Variants in TMC5 observed in about 807,000 individuals in gnomAD.
TMC5 encodes transmembrane channel like 5, also known as transmembrane channel-like protein 5.
In TMC5, 86 loss-of-function variants were observed where a neutral mutation model predicts 110.5. The observed-to-expected ratio is 0.78, with a 90% CI of 0.65 to 0.93. TMC5 has a LOEUF of 0.93. TMC5 is among the 40% of genes least tolerant of loss of function. The pLI is 0.00. For synonymous variants in TMC5, 455 were observed against 439.5 expected, an observed-to-expected ratio of 1.04 and a Z score of -0.44; for missense variants, 1,144 against 1,222.8, an observed-to-expected ratio of 0.94 and a Z score of 0.96.
intron 8 of TMC5, among the ~76,000 whole-genome samples, chr16:19,465,127 C>CCCTT (rs1968153877): frequency 8.4e-6 from 1 of 119,398 alleles, no homozygotes; most frequent in Non-Finnish European, 1.8e-5. Context: ...CTCCCTCCCT[C>CCCTT]CCTCCCTTCC....
At chr16:19,472,312 G>C (rs1257104815) in intron 11 of TMC5, 69 bp downstream of exon 11, 1 of 1,565,432 alleles carries the variant, frequency 6.4e-7, no homozygotes, top group South Asian at 1.1e-5. Context: ...GGGAAGGGTG[G>C]TGTGCAGCCT....
chr16:19,476,516 T>C (rs1968493719), intron 12 of TMC5, among the ~76,000 whole-genome samples: 1 of 152,136 alleles, frequency 6.6e-6, no homozygotes, highest in Non-Finnish European at 1.5e-5. Flanking sequence ...ACCTTGCATA[T>C]TGAGTATGAT....
intron 1 of TMC5, among the ~76,000 whole-genome samples, chr16:19,412,090 G>C (rs747955855): frequency 1.4e-5 from 2 of 143,918 alleles, no homozygotes; most frequent in Non-Finnish European, 3.0e-5. Flanking sequence ...TTTTTTTTTT[G>C]AATTGTTGTC....
intron 20 of TMC5, among the ~76,000 whole-genome samples, chr16:19,494,894 C>T (rs932249891): frequency 6.6e-5 from 10 of 152,072 alleles, no homozygotes; most frequent in African/African-American, 1.7e-4. Flanking sequence ...ACAAAGCCCC[C>T]GCCCTCATGG....
At chr16:19,493,307 A>C (rs1483942345) in intron 19 of TMC5, among the ~76,000 whole-genome samples, 1 of 151,926 alleles carries the variant, frequency 6.6e-6, no homozygotes, top group African/African-American at 2.4e-5. Context: ...ATCACACTTA[A>C]AAAACTTAAC....
At chr16:19,471,807 C>A (rs185562760) in intron 10 of TMC5, among the ~76,000 whole-genome samples, 12 of 152,290 alleles carry the variant, frequency 7.9e-5, no homozygotes, top group Admixed American at 2.6e-4. Context: ...GTCGCCCAGG[C>A]TGGAGTGCAG....
In TMC5 at chr16:19,466,124, A is replaced by G. The variant is rs1968183050; in HGVS notation, c.1528A>G (p.Asn510Asp). 6.2e-7 allele frequency: 1 copy of G among 1,613,972 alleles called. No individual in the cohort carries two copies. The highest frequency in any genetic ancestry group is 1.3e-5 in the African/African-American group (1 of 74,886). The change falls in exon 9 of 22, where the codon AAT becomes GAT. Residue 510 changes from asparagine to aspartate, a missense_variant. By Grantham distance (23) the Asn-to-Asp change is conservative (BLOSUM62 1). Transcript: ENST00000542583. ...AGTGATGTACTATGGCTTTTACACC[A>G]ATTCCACCATCCAGCACGGGAACAG... ...DTVMYYGFYT[N>D]STIQHGNSGA...
chr16:19,418,438 CACAGGTGGATATCAGAGCTAATAAAAT>C (rs1966905160), intron 1 of TMC5, among the ~76,000 whole-genome samples: 4 of 152,078 alleles, frequency 2.6e-5, no homozygotes, highest in Admixed American at 2.6e-4. Flanking sequence ...CTCCCACTTC[CACAGGTGGATATCAGAGCTAATAAAAT>C]ACGGTGCACG....
chr16:19,420,882 A>G (rs1966968059), intron 1 of TMC5, among the ~76,000 whole-genome samples: 1 of 152,226 alleles, frequency 6.6e-6, no homozygotes, highest in Non-Finnish European at 1.5e-5. Flanking sequence ...CATCCAAAGC[A>G]AAATAGTGGC....
chr16:19,435,304 A>T (rs1196305402), intron 2 of TMC5, among the ~76,000 whole-genome samples: 1 of 149,022 alleles, frequency 6.7e-6, no homozygotes, highest in Non-Finnish European at 1.5e-5. Flanking sequence ...ATCCTGGCTA[A>T]CATGGTGAAA....
chr16:19,494,589 A>G (rs1037470602), intron 20 of TMC5, among the ~76,000 whole-genome samples: 3 of 152,144 alleles, frequency 2.0e-5, no homozygotes, highest in Non-Finnish European at 4.4e-5. Context: ...CGGGTGGATC[A>G]AGAGGTCAGG....
intron 20 of TMC5, among the ~76,000 whole-genome samples, chr16:19,495,647 T>C (rs1287038169): frequency 2.0e-5 from 3 of 151,334 alleles, no homozygotes; most frequent in African/African-American, 7.3e-5. Context: ...AGGCCAGGAG[T>C]TTAAGACCAA....
intron 12 of TMC5, chr16:19,477,043 G>A (rs1472792530): frequency 9.9e-6 from 2 of 201,398 alleles, no homozygotes; most frequent in South Asian, 7.1e-5. Flanking sequence ...TCAGGAGATC[G>A]AGACCATCCT....
chr16:19,486,020 G>A (rs1036667351), intron 15 of TMC5, among the ~76,000 whole-genome samples: 2 of 152,190 alleles, frequency 1.3e-5, no homozygotes, highest in African/African-American at 4.8e-5. Context: ...TTTAATAGGT[G>A]GGTGGGAGAT....
chr16:19,463,066 C>G (rs927963554), intron 6 of TMC5, among the ~76,000 whole-genome samples: 3 of 152,028 alleles, frequency 2.0e-5, no homozygotes, highest in Admixed American at 1.3e-4. Flanking sequence ...CAGGCACTAC[C>G]AACACACCCA....
intron 15 of TMC5, among the ~76,000 whole-genome samples, chr16:19,483,913 CT>C (rs1437596921): frequency 1.6e-4 from 24 of 152,082 alleles, no homozygotes; most frequent in Non-Finnish European, 5.9e-5. Context: ...CCCATCTCTA[CT>C]AAAAATACAC....
chr16:19,468,443 T>C (rs968649509), intron 9 of TMC5, among the ~76,000 whole-genome samples: 2 of 152,128 alleles, frequency 1.3e-5, no homozygotes, highest in Admixed American at 6.6e-5. Context: ...AAGCACTGCA[T>C]AGACTCTTTG....
intron 20 of TMC5, among the ~76,000 whole-genome samples, chr16:19,496,125 T>A (rs1969045606): frequency 6.9e-6 from 1 of 145,154 alleles, no homozygotes; most frequent in Non-Finnish European, 1.5e-5. Flanking sequence ...ACCATTGCAC[T>A]CCAGCCTGGG....
chr16:19,463,204 G>A (rs1346542412), intron 6 of TMC5, 76 bp from the exon 7 acceptor site: 7 of 1,138,204 alleles, frequency 6.2e-6, no homozygotes, highest in Middle Eastern at 1.9e-4. Context: ...ACAGGCATGA[G>A]CCACCATGTA....
Sources: allele counts gnomAD v4.1 joint callset (sites outside exome capture counted in the v4.1 genomes callset), GRCh38; gene constraint gnomAD v4.1.1; transcripts MANE v1.5; gene names NCBI Gene and HGNC (gene_info 2026-07-23, HGNC 2026-07-21).